RNF180: variants seen among roughly 807,000 people sequenced by gnomAD.
The protein encoded by RNF180 is ring finger protein 180, also known as E3 ubiquitin-protein ligase RNF180.
Under a neutral mutation model 59.2 loss-of-function variants are expected in RNF180, and 38 were observed. The ratio of observed to expected loss-of-function variants is 0.64; its 90% CI spans 0.50 to 0.84. RNF180 has a LOEUF of 0.84. Among genes scored for constraint, RNF180 ranks in the 40% least tolerant of loss-of-function variants. The pLI is 0.00. For synonymous variants in RNF180, 262 were observed against 240.3 expected (o/e 1.09, Z -0.84); for missense variants, 705 against 700.9 (o/e 1.01, Z -0.07).
intron 5 of RNF180, among the ~76,000 whole-genome samples, chr5:64,222,220 A>G (rs895061955): frequency 6.6e-6 from 1 of 152,102 alleles, no homozygotes; most frequent in African/African-American, 2.4e-5. Flanking sequence ...TGGGTTCCCA[A>G]AACTACTGTA....
chr5:64,318,594 T>C (rs1744185783), intron 5 of RNF180, among the ~76,000 whole-genome samples: 1 of 152,152 alleles, frequency 6.6e-6, no homozygotes, highest in Non-Finnish European at 1.5e-5. Flanking sequence ...AAAATTTTCA[T>C]TTACTTTATA....
In RNF180 at chr5:64,332,683, T is replaced by C. The variant is rs77648342; in HGVS notation, c.1579+2277T>C. ...TTGGGAATTTGTTACTATATGAACATACAATATGGACATAAAATATAATTT... is the reference window on the plus strand; with the variant it reads ...TTGGGAATTTGTTACTATATGAACACACAATATGGACATAAAATATAATTT... On this transcript the variant is annotated intron_variant, in intron 7 of 7. Coordinates refer to ENST00000389100, the MANE Select transcript of RNF180 (RefSeq NM_001113561.2). Among the ~76,000 whole-genome samples, 1,362 of 152,360 alleles carry C rather than the reference T, an allele frequency of 8.9e-3. 12 individuals are homozygous for C. Among genetic ancestry groups the C allele is most frequent in the Middle Eastern group, 0.027 (8 of 294 alleles).
chr5:64,337,018 T>G (rs1745155969), intron 7 of RNF180, among the ~76,000 whole-genome samples: 1 of 151,754 alleles, frequency 6.6e-6, no homozygotes, highest in Non-Finnish European at 1.5e-5. Flanking sequence ...TTTTTTTGTT[T>G]TTGTTTTTGT....
At chr5:64,366,108 T>G (rs1746437092) in intron 7 of RNF180, among the ~76,000 whole-genome samples, 1 of 151,726 alleles carries the variant, frequency 6.6e-6, no homozygotes. Context: ...GTGATAACAG[T>G]CTTTCCTTTC....
intron 5 of RNF180, among the ~76,000 whole-genome samples, chr5:64,273,457 A>G (rs1377804659): frequency 6.6e-6 from 1 of 152,040 alleles, no homozygotes; most frequent in East Asian, 1.9e-4. Flanking sequence ...CTTAAGACCA[A>G]GCATTAAGGA....
intron 5 of RNF180, among the ~76,000 whole-genome samples, chr5:64,299,706 A>G (rs756672501): frequency 1.1e-4 from 17 of 151,928 alleles, no homozygotes; most frequent in Non-Finnish European, 2.1e-4. Context: ...CTGAAGTGTC[A>G]AAGTGAATTT....
chr5:64,227,732 T>G (rs73097066), intron 5 of RNF180, among the ~76,000 whole-genome samples: 2,228 of 152,336 alleles, frequency 0.015, 50 homozygotes, highest in African/African-American at 0.05. Flanking sequence ...GAAAACTATC[T>G]GCACATGTGT....
chr5:64,238,963 T>C (rs1742616106), intron 5 of RNF180, among the ~76,000 whole-genome samples: 1 of 152,288 alleles, frequency 6.6e-6, no homozygotes, highest in Non-Finnish European at 1.5e-5. Context: ...CTCTGAGATA[T>C]TAGTTTAACC....
intron 5 of RNF180, among the ~76,000 whole-genome samples, chr5:64,222,529 A>G (rs1741406999): frequency 6.6e-6 from 1 of 152,230 alleles, no homozygotes; most frequent in Non-Finnish European, 1.5e-5. Context: ...AAATTCCCTC[A>G]ACAGTAAGTT....
intron 5 of RNF180, among the ~76,000 whole-genome samples, chr5:64,256,065 A>C (rs2112296314): frequency 1.3e-5 from 2 of 151,810 alleles, no homozygotes; most frequent in East Asian, 3.9e-4. Context: ...TTTTCTTGTA[A>C]ATTTGTTTGA....
intron 1 of RNF180, among the ~76,000 whole-genome samples, chr5:64,189,150 A>C (rs184104392): frequency 1.3e-5 from 2 of 152,148 alleles, no homozygotes; most frequent in Non-Finnish European, 2.9e-5. Context: ...CTCCATAACT[A>C]TGAGACAATA....
chr5:64,173,030 T>G (rs1377427545), intron 1 of RNF180, among the ~76,000 whole-genome samples: 2 of 152,204 alleles, frequency 1.3e-5, no homozygotes, highest in East Asian at 1.9e-4. Flanking sequence ...GACTCTTAGA[T>G]CCAGACAAAT....
Position 64,182,076 on chromosome 5 carries a change from C to T in RNF180, c.-1+16123C>T, listed in dbSNP as rs150222012. ...GCACATCTTAGCTCACTGCAAGCTCCGCCTTCCAGGTTCACACCATTCTCC... is the reference window on the plus strand; with the variant it reads ...GCACATCTTAGCTCACTGCAAGCTCTGCCTTCCAGGTTCACACCATTCTCC... On this transcript the variant is annotated intron_variant, in intron 1 of 7. Transcript: ENST00000389100. Among the ~76,000 whole-genome samples, 488 of 150,734 alleles carry T rather than the reference C, an allele frequency of 3.2e-3. 1 individual carries two copies. The highest frequency in any genetic ancestry group is 0.011 in the African/African-American group (456 of 40,980).
intron 7 of RNF180, among the ~76,000 whole-genome samples, chr5:64,358,210 G>C (rs901792608): frequency 1.3e-5 from 2 of 151,826 alleles, no homozygotes; most frequent in Non-Finnish European, 2.9e-5. Flanking sequence ...CCCCTGTCTG[G>C]TATATTGCTG....
At chr5:64,206,031 G>A (rs927307555) in intron 2 of RNF180, among the ~76,000 whole-genome samples, 1 of 152,174 alleles carries the variant, frequency 6.6e-6, no homozygotes, top group East Asian at 1.9e-4. Flanking sequence ...TAGAAGATCA[G>A]ACATTTCCTT....
chr5:64,278,286 C>T (rs538113762), intron 5 of RNF180, among the ~76,000 whole-genome samples: 17 of 152,260 alleles, frequency 1.1e-4, no homozygotes, highest in Middle Eastern at 6.8e-3. Context: ...AACTGATTTA[C>T]CTGATGTGTA....
intron 7 of RNF180, among the ~76,000 whole-genome samples, chr5:64,356,327 A>G (rs954431363): frequency 2.0e-5 from 3 of 151,902 alleles, no homozygotes; most frequent in African/African-American, 7.2e-5. Flanking sequence ...GGCTACCTAC[A>G]GAATGGAAGA....
chr5:64,234,725 G>T (rs375758249), intron 5 of RNF180, among the ~76,000 whole-genome samples: 1 of 147,210 alleles, frequency 6.8e-6, no homozygotes, highest in Non-Finnish European at 1.5e-5. Context: ...TCAGCCTCCC[G>T]AGTAGCTGGG....
intron 5 of RNF180, among the ~76,000 whole-genome samples, chr5:64,316,172 A>T (rs1045272520): frequency 6.6e-6 from 1 of 152,192 alleles, no homozygotes; most frequent in Non-Finnish European, 1.5e-5. Context: ...AGCCTCCAGA[A>T]TAGCTGAGAT....
Sources: gnomAD v4.1 joint callset for allele counts (sites outside exome capture counted in the v4.1 genomes callset) on GRCh38, gnomAD v4.1.1 for gene constraint, MANE v1.5 for transcripts, NCBI Gene and HGNC (gene_info 2026-07-23, HGNC 2026-07-21) for gene names.